ZFAND3: variants seen among roughly 807,000 people sequenced by gnomAD.
The protein encoded by ZFAND3 is zinc finger AN1-type containing 3, also known as AN1-type zinc finger protein 3.
ZFAND3 carries 10 observed loss-of-function variants against 29.6 expected under a neutral mutation model. That is an observed-to-expected ratio of 0.34 (90% CI 0.21 to 0.57). ZFAND3 has a LOEUF of 0.57. ZFAND3 is among the 20% of genes least tolerant of loss of function. The probability of loss-of-function intolerance (pLI) is 0.86; values close to 1 mark genes in which losing one functional copy is unlikely to be tolerated. For missense variants in ZFAND3, 230 were observed against 304.5 expected (o/e 0.76, Z 1.82); for synonymous variants, 128 against 112.6 (o/e 1.14, Z -0.87).
At chr6:37,903,758 T>C (rs1344568627) in intron 1 of ZFAND3, among the ~76,000 whole-genome samples, 2 of 152,226 alleles carry the variant, frequency 1.3e-5, no homozygotes, top group East Asian at 1.9e-4. Flanking sequence ...AAAAATGTGC[T>C]TGCTTTTTAA....
At chr6:38,011,534 TTTTTAA>T (rs1763153264) in intron 2 of ZFAND3, among the ~76,000 whole-genome samples, 1 of 152,230 alleles carries the variant, frequency 6.6e-6, no homozygotes, top group Admixed American at 6.5e-5. Flanking sequence ...TTAATTTGTA[TTTTTAA>T]TTTTAATTTG....
rs190577876 is a variant in ZFAND3 at position 38,082,466 on chromosome 6, G to A, written c.361+9G>A. On this transcript the variant is annotated intron_variant, in intron 4 of 5. Coordinates refer to ENST00000287218, the MANE Select transcript of ZFAND3 (RefSeq NM_021943.3). ...AAGATCCTGTGGTACAGGTATGTAC[G>A]TCATTCTTATGTGAATTCATCCTTA... 1.4e-3 allele frequency: 2,202 copies of A among 1,608,562 alleles called. 10 individuals are homozygous for A. The highest frequency in any genetic ancestry group is 1.6e-3 in the Non-Finnish European group (1,901 of 1,176,768).
chr6:38,058,116 G>C (rs1181397255), intron 2 of ZFAND3, among the ~76,000 whole-genome samples: 2 of 152,204 alleles, frequency 1.3e-5, no homozygotes, highest in African/African-American at 4.8e-5. Context: ...GGGCTGGAGA[G>C]TGTGTGGGTG....
In ZFAND3 at chr6:37,857,047, A is replaced by G. The variant is rs776503229; in HGVS notation, c.71+37031A>G. 8.6e-5 allele frequency among the ~76,000 whole-genome samples: 13 copies of G among 152,036 alleles called. No individual in the cohort carries two copies. In the East Asian group the frequency reaches 9.6e-4, roughly 11 times the overall value. ...CAGCCTGACCTCTTGGGCTCAAGCA[A>G]TCCTCCCACTTCAGCCTCCCCAATA... On this transcript the variant is annotated intron_variant, in intron 1 of 5. Transcript: ENST00000287218.
chr6:37,902,220 AG>A (rs1171917265), intron 1 of ZFAND3, among the ~76,000 whole-genome samples: 1 of 152,180 alleles, frequency 6.6e-6, no homozygotes, highest in African/African-American at 2.4e-5. Flanking sequence ...AGGCCAAGCC[AG>A]GAGGATTGCT....
chr6:37,947,078 C>T (rs1761916827), intron 2 of ZFAND3, among the ~76,000 whole-genome samples: 1 of 151,972 alleles, frequency 6.6e-6, no homozygotes, highest in South Asian at 2.1e-4. Context: ...TGCACCTAAC[C>T]CCAGTTAAAG....
chr6:38,136,928 T>A (rs1215128686), intron 5 of ZFAND3, among the ~76,000 whole-genome samples: 1 of 152,208 alleles, frequency 6.6e-6, no homozygotes, highest in African/African-American at 2.4e-5. Flanking sequence ...AAGGGCTAGG[T>A]TTATGTTAAT....
At position 38,110,084 on chromosome 6, in the gene ZFAND3, A is replaced by T. The variant is rs183242744; in HGVS notation, c.362-6488A>T. On this transcript the variant is annotated intron_variant, in intron 4 of 5. Coordinates refer to ENST00000287218, the MANE Select transcript of ZFAND3 (RefSeq NM_021943.3). ...TGAACAACTGACTTTTTAAATGTTT[A>T]TGATCTAGGACATGGCATCCTAGGA... Among the ~76,000 whole-genome samples the T allele has an allele frequency of 3.6e-3, 554 of 152,308 alleles. 2 individuals carry two copies. The highest frequency in any genetic ancestry group is 9.7e-3 in the South Asian group (47 of 4,828).
intron 2 of ZFAND3, among the ~76,000 whole-genome samples, chr6:37,992,778 CTT>C (rs768797375): frequency 3.3e-5 from 5 of 152,036 alleles, no homozygotes; most frequent in Admixed American, 6.5e-5. Flanking sequence ...TTATGTCTCT[CTT>C]ATTTTCATCT....
chr6:37,848,621 G>C (rs1486130403), intron 1 of ZFAND3, among the ~76,000 whole-genome samples: 1 of 152,236 alleles, frequency 6.6e-6, no homozygotes, highest in African/African-American at 2.4e-5. Flanking sequence ...ATTAGGAAAT[G>C]CAGAAATAGA....
intron 4 of ZFAND3, among the ~76,000 whole-genome samples, chr6:38,092,899 C>A (rs576730536): frequency 2.0e-5 from 3 of 152,276 alleles, no homozygotes; most frequent in Non-Finnish European, 2.9e-5. Context: ...AAATACACAT[C>A]TTTATGTGTA....
chr6:38,031,940 TC>T (rs1446620624), intron 2 of ZFAND3, among the ~76,000 whole-genome samples: 1 of 151,674 alleles, frequency 6.6e-6, no homozygotes, highest in African/African-American at 2.4e-5. Context: ...CAAGTGATCT[TC>T]CCGCCTCAGC....
chr6:37,973,360 A>ACT (rs1762423696), intron 2 of ZFAND3, among the ~76,000 whole-genome samples: 1 of 152,176 alleles, frequency 6.6e-6, no homozygotes. Context: ...GATTCATAAA[A>ACT]CTGTTACAAC....
chr6:38,076,082 C>G (rs1471863842), intron 3 of ZFAND3, among the ~76,000 whole-genome samples: 3 of 151,918 alleles, frequency 2.0e-5, no homozygotes, highest in African/African-American at 7.3e-5. Flanking sequence ...ATTGCTGCAC[C>G]TACCCCATTT....
rs920276085 is a variant in ZFAND3 at position 37,869,308 on chromosome 6, C to T, written c.71+49292C>T. Among the ~76,000 whole-genome samples the T allele has an allele frequency of 1.4e-4, 22 of 152,008 alleles. No individual in the cohort carries two copies. In the East Asian group the frequency reaches 1.5e-3, roughly 11 times the overall value. On this transcript the variant is annotated intron_variant, in intron 1 of 5. Transcript: ENST00000287218. ...CCTCCCGAGTAGCTGGGATTACAGGCGCACCACGCCTGGCTAGTTTCTGTA... is the reference window on the plus strand; with the variant it reads ...CCTCCCGAGTAGCTGGGATTACAGGTGCACCACGCCTGGCTAGTTTCTGTA...
chr6:38,114,448 A>G (rs1280904931), intron 4 of ZFAND3, among the ~76,000 whole-genome samples: 2 of 152,264 alleles, frequency 1.3e-5, no homozygotes, highest in Non-Finnish European at 2.9e-5. Context: ...TTTGCTCAGC[A>G]GAGCTGGGAA....
At chr6:37,937,611 C>T (rs7747996) in intron 2 of ZFAND3, among the ~76,000 whole-genome samples, 114,857 of 146,278 alleles carry the variant, frequency 0.79, 45,825 homozygotes, top group Non-Finnish European at 0.85. Context: ...GCCGAGATCA[C>T]GCTGCTGTAC....
intron 4 of ZFAND3, among the ~76,000 whole-genome samples, chr6:38,111,146 T>C (rs976353504): frequency 6.6e-5 from 10 of 152,228 alleles, no homozygotes; most frequent in Non-Finnish European, 8.8e-5. Context: ...TTAACACTAC[T>C]TTCTGAGACT....
At position 38,143,152 on chromosome 6, in the gene ZFAND3, AAG is replaced by A. The variant is rs1581955359; in HGVS notation, c.530-9082_530-9081del. On this transcript the variant is annotated intron_variant, in intron 5 of 5. Coordinates refer to ENST00000287218, the MANE Select transcript of ZFAND3 (RefSeq NM_021943.3). ...GAGGGCTGCTTGAGCTGGGTGATAG[AAG>A]GAGACATTACTGGGACGAAGCCGAC... 3.9e-5 allele frequency: 6 copies of A among 152,422 alleles called. No individual in the cohort carries two copies. The East Asian group carries it at 1.2e-3, about 29-fold the overall frequency. The allele number at this position is 152,422 out of a possible 1,614,324, so 9.4% of individuals were successfully genotyped here.
Sources: allele counts gnomAD v4.1 joint callset (sites outside exome capture counted in the v4.1 genomes callset), GRCh38; gene constraint gnomAD v4.1.1; transcripts MANE v1.5; gene names NCBI Gene and HGNC (gene_info 2026-07-23, HGNC 2026-07-21).